RASGRP3: variants seen among roughly 807,000 people sequenced by gnomAD.
The protein encoded by RASGRP3 is ras guanyl-releasing protein 3.
Under a neutral mutation model 82.7 loss-of-function variants are expected in RASGRP3, and 54 were observed. The ratio of observed to expected loss-of-function variants is 0.65; its 90% CI spans 0.52 to 0.82. The LOEUF is 0.82. RASGRP3 is among the 40% of genes least tolerant of loss of function. The pLI is 0.00. For synonymous variants in RASGRP3, 309 were observed against 300.5 expected (o/e 1.03, Z -0.29); for missense variants, 861 against 828.9 (o/e 1.04, Z -0.48).
chr2:33,540,848 A>G (rs1674226932), intron 12 of RASGRP3, among the ~76,000 whole-genome samples: 1 of 131,846 alleles, frequency 7.6e-6, no homozygotes, highest in Non-Finnish European at 1.8e-5. Flanking sequence ...TGGCTAAGTA[A>G]TGATACTGGA....
intron 1 of RASGRP3, among the ~76,000 whole-genome samples, chr2:33,508,950 T>G (rs1670663049): frequency 6.6e-6 from 1 of 152,164 alleles, no homozygotes; most frequent in Non-Finnish European, 1.5e-5. Flanking sequence ...ATTGTTATGG[T>G]CTAGTTACAC....
chr2:33,441,809 A>G (rs914675742), intron 1 of RASGRP3, among the ~76,000 whole-genome samples: 1 of 152,240 alleles, frequency 6.6e-6, no homozygotes, highest in Admixed American at 6.5e-5. Context: ...CAAAAAGTCT[A>G]TCTTTTAGGG....
At chr2:33,522,748 A>G (rs1404684469) in intron 7 of RASGRP3, among the ~76,000 whole-genome samples, 2 of 152,190 alleles carry the variant, frequency 1.3e-5, no homozygotes, top group African/African-American at 4.8e-5. Context: ...TGTCTCGCCA[A>G]GCTGTGGGGA....
intron 13 of RASGRP3, among the ~76,000 whole-genome samples, chr2:33,548,910 A>G (rs371458961): frequency 6.6e-6 from 1 of 152,178 alleles, no homozygotes; most frequent in Middle Eastern, 3.4e-3. Context: ...GCTGGTCTTG[A>G]ACTCCTGACC....
intron 17 of RASGRP3, among the ~76,000 whole-genome samples, chr2:33,560,085 C>G (rs1676480301): frequency 6.6e-6 from 1 of 152,188 alleles, no homozygotes; most frequent in African/African-American, 2.4e-5. Context: ...TGCCATGAAA[C>G]TGACCCATTT....
chr2:33,490,553 C>A (rs776091649), intron 1 of RASGRP3, among the ~76,000 whole-genome samples: 3 of 152,210 alleles, frequency 2.0e-5, no homozygotes, highest in South Asian at 2.1e-4. Flanking sequence ...GCACAGCGTG[C>A]TTTTAAGTTT....
At chr2:33,544,984 A>G (rs1043430018) in intron 13 of RASGRP3, among the ~76,000 whole-genome samples, 7 of 152,232 alleles carry the variant, frequency 4.6e-5, no homozygotes, top group African/African-American at 1.7e-4. Flanking sequence ...AATTAGAAAC[A>G]TTAACTTCCT....
chr2:33,519,553 A>G (rs1329789807), intron 4 of RASGRP3, among the ~76,000 whole-genome samples: 1 of 152,054 alleles, frequency 6.6e-6, no homozygotes, highest in East Asian at 1.9e-4. Flanking sequence ...CTTGCAGTGA[A>G]CCGAGATCGT....
In RASGRP3 at chr2:33,549,531, G is replaced by T. The variant is rs1218799332; in HGVS notation, c.1395-73G>T. ...TTGGCCACAAAGGTTTGGGAGGTGG[G>T]TGATTAAAGTGTGGCAACTACTTAG... is the stretch of plus-strand genomic sequence containing the variant. On this transcript the variant is annotated intron_variant, in intron 13 of 17. Coordinates refer to ENST00000403687, the MANE Select transcript of RASGRP3 (RefSeq NM_001139488.2). 3 of 1,421,764 alleles carry T rather than the reference G, an allele frequency of 2.1e-6. No homozygotes were observed. In the East Asian group the frequency reaches 7.3e-5, roughly 34 times the overall value. 88.1% of individuals were successfully genotyped at this position (1,421,764 alleles called of 1,614,324 possible).
intron 13 of RASGRP3, among the ~76,000 whole-genome samples, chr2:33,547,795 G>C (rs1261778719): frequency 6.6e-6 from 1 of 152,132 alleles, no homozygotes; most frequent in Non-Finnish European, 1.5e-5. Context: ...GGCATTGAAA[G>C]GAGTCAGAGG....
At chr2:33,457,479 A>G (rs999526372) in intron 2 of RASGRP3, among the ~76,000 whole-genome samples, 9 of 152,166 alleles carry the variant, frequency 5.9e-5, no homozygotes, top group African/African-American at 2.2e-4. Flanking sequence ...TTTCCATTAC[A>G]TCTTTTTCAT....
chr2:33,505,809 C>T (rs1463802543), intron 1 of RASGRP3, among the ~76,000 whole-genome samples: 1 of 152,184 alleles, frequency 6.6e-6, no homozygotes, highest in Admixed American at 6.5e-5. Flanking sequence ...CATCTGGAAG[C>T]CATCCAACTG....
intron 13 of RASGRP3, among the ~76,000 whole-genome samples, chr2:33,548,522 G>C (rs937603787): frequency 1.2e-4 from 18 of 152,044 alleles, no homozygotes; most frequent in Non-Finnish European, 1.5e-5. Context: ...GGAAGGAGGA[G>C]AGTCCCGGGG....
At chr2:33,508,106 T>A (rs770232377) in intron 1 of RASGRP3, among the ~76,000 whole-genome samples, 1 of 152,210 alleles carries the variant, frequency 6.6e-6, no homozygotes, top group Non-Finnish European at 1.5e-5. Flanking sequence ...GATATTTGGT[T>A]GGCTGATGGT....
chr2:33,487,354 A>G (rs1335512134), intron 1 of RASGRP3, among the ~76,000 whole-genome samples: 1 of 152,238 alleles, frequency 6.6e-6, no homozygotes, highest in Admixed American at 6.5e-5. Context: ...GACTTCAAAG[A>G]TAGGTTTGAA....
At chr2:33,484,792 A>C (rs1574308357) in intron 1 of RASGRP3, among the ~76,000 whole-genome samples, 1 of 152,302 alleles carries the variant, frequency 6.6e-6, no homozygotes, top group East Asian at 1.9e-4. Context: ...GAAGTCATAT[A>C]CCTTGTAGAA....
intron 11 of RASGRP3, among the ~76,000 whole-genome samples, chr2:33,537,192 GAT>G (rs113536892): frequency 4.4e-4 from 64 of 145,290 alleles, no homozygotes; most frequent in Middle Eastern, 3.5e-3. Context: ...GAACTAATAG[GAT>G]ATATATATAT....
intron 17 of RASGRP3, 78 bp downstream of exon 17, chr2:33,559,108 G>C: frequency 2.4e-6 from 3 of 1,234,160 alleles, no homozygotes; most frequent in South Asian, 3.2e-5. Flanking sequence ...CAGAGGGTCT[G>C]GGGGGCAGCC....
In RASGRP3 at chr2:33,491,680, A is replaced by G. The variant is rs541777322; in HGVS notation, c.-261+14973A>G. Among the ~76,000 whole-genome samples the G allele has an allele frequency of 9.8e-5, 15 of 152,388 alleles. No homozygotes were observed. In the South Asian group the frequency reaches 3.1e-3, roughly 32 times the overall value. ...CTCTTGTGGTTTGTGAGCCAACAAA[A>G]TATCATCAGTCCTCATTGTTATAAG... On this transcript the variant is annotated intron_variant, in intron 1 of 17. Coordinates refer to ENST00000403687, the MANE Select transcript of RASGRP3 (RefSeq NM_001139488.2).
Sources: allele counts gnomAD v4.1 joint callset (sites outside exome capture counted in the v4.1 genomes callset), GRCh38; gene constraint gnomAD v4.1.1; transcripts MANE v1.5; gene names NCBI Gene and HGNC (gene_info 2026-07-23, HGNC 2026-07-21).